The following KCNMA1 variants were observed in gnomAD, a reference collection of about 807,000 sequenced individuals.
The protein encoded by KCNMA1 is Calcium-activated potassium channel subunit alpha-1.
Under a neutral mutation model 140.0 loss-of-function variants are expected in KCNMA1, and 29 were observed. That is an observed-to-expected ratio of 0.21 (90% CI 0.15 to 0.28). The LOEUF (loss-of-function observed/expected upper bound fraction) is 0.28. Ranked by LOEUF, KCNMA1 falls within the 10% of genes least tolerant of loss-of-function variation. KCNMA1 has a pLI of 1.00. For synonymous variants in KCNMA1, 612 were observed against 611.9 expected (o/e 1.00, Z 0.00); for missense variants, 880 against 1,602.2 (o/e 0.55, Z 7.70).
chr10:77,317,908 A>C (rs1041470131), intron 2 of KCNMA1, among the ~76,000 whole-genome samples: 4 of 152,206 alleles, frequency 2.6e-5, no homozygotes, highest in Non-Finnish European at 4.4e-5. Context: ...AAGGCATCCC[A>C]AAAACTAGAA....
At chr10:77,146,723 A>AAAAAAAAAAAAAAAAAAAG (rs2098304815) in intron 5 of KCNMA1, among the ~76,000 whole-genome samples, 1 of 137,608 alleles carries the variant, frequency 7.3e-6, no homozygotes, top group Non-Finnish European at 1.6e-5. Context: ...AAAAAAAAAA[A>AAAAAAAAAAAAAAAAAAAG]AAAAAAAGAA....
chr10:77,167,492 C>T (rs2098656060), intron 5 of KCNMA1, among the ~76,000 whole-genome samples: 1 of 152,038 alleles, frequency 6.6e-6, no homozygotes, highest in African/African-American at 2.4e-5. Context: ...GTTTAAACTC[C>T]AAGCCTAGGA....
chr10:77,348,854 T>G (rs1241348346), intron 2 of KCNMA1, among the ~76,000 whole-genome samples: 1 of 152,154 alleles, frequency 6.6e-6, no homozygotes, highest in Non-Finnish European at 1.5e-5. Flanking sequence ...CTTTAGGGCA[T>G]ATCTTTGCAA....
chr10:77,370,435 C>T (rs947722680), intron 2 of KCNMA1, among the ~76,000 whole-genome samples: 2 of 152,114 alleles, frequency 1.3e-5, no homozygotes, highest in African/African-American at 4.8e-5. Context: ...GATAAGAACA[C>T]ATCTTTTCTT....
intron 1 of KCNMA1, among the ~76,000 whole-genome samples, chr10:77,437,891 T>G (rs182333720): frequency 9.2e-5 from 14 of 152,244 alleles, no homozygotes; most frequent in African/African-American, 3.1e-4. Context: ...TTTAAAGAGT[T>G]AGGCTGGGAT....
intron 1 of KCNMA1, among the ~76,000 whole-genome samples, chr10:77,423,199 G>A (rs1038977950): frequency 3.9e-5 from 6 of 152,208 alleles, no homozygotes; most frequent in Non-Finnish European, 7.3e-5. Context: ...CAAAAAGCAT[G>A]TGATTATTTT....
At chr10:77,341,889 C>G (rs2091015831) in intron 2 of KCNMA1, among the ~76,000 whole-genome samples, 1 of 152,230 alleles carries the variant, frequency 6.6e-6, no homozygotes, top group African/African-American at 2.4e-5. Flanking sequence ...ACTCTTCTCT[C>G]AGATGCTTAC....
At chr10:76,993,469 T>A (rs2083337458) in intron 19 of KCNMA1, among the ~76,000 whole-genome samples, 1 of 152,208 alleles carries the variant, frequency 6.6e-6, no homozygotes, top group South Asian at 2.1e-4. Flanking sequence ...GAGCCACTAA[T>A]TAAACTGTCT....
intron 1 of KCNMA1, among the ~76,000 whole-genome samples, chr10:77,431,103 A>G (rs1383408602): frequency 6.6e-6 from 1 of 152,192 alleles, no homozygotes. Flanking sequence ...CAGAAAGATA[A>G]AAGATCAATT....
intron 23 of KCNMA1, among the ~76,000 whole-genome samples, chr10:76,934,802 CA>C (rs2060132095): frequency 6.6e-6 from 1 of 152,194 alleles, no homozygotes; most frequent in Non-Finnish European, 1.5e-5. Flanking sequence ...CACTATAAGA[CA>C]ATTTCTCTGG....
intron 6 of KCNMA1, among the ~76,000 whole-genome samples, chr10:77,113,782 A>G (rs2153897104): frequency 6.6e-6 from 1 of 152,306 alleles, no homozygotes; most frequent in South Asian, 2.1e-4. Flanking sequence ...TTTTTAAATA[A>G]ATGTTATTGT....
rs143239827 is a variant in KCNMA1, at chr10:77,397,397, T to C, written c.540+6465A>G. Among the ~76,000 whole-genome samples the C allele has an allele frequency of 2.6e-3, 392 of 152,352 alleles. 3 individuals carry two copies. Among genetic ancestry groups the C allele is most frequent in the African/African-American group, 9.0e-3 (373 of 41,580 alleles). ...ATAATAGTGTACATATTTTGGGGGA[T>C]GCATGTGATATTTTGGTACATGTAT... On this transcript the variant is annotated intron_variant, in intron 2 of 27. Transcript: ENST00000286628.
chr10:77,625,621 C>T (rs2092390602), intron 1 of KCNMA1, among the ~76,000 whole-genome samples: 1 of 152,162 alleles, frequency 6.6e-6, no homozygotes, highest in South Asian at 2.1e-4. Flanking sequence ...TTGTGACTGG[C>T]TTATTTCATT....
At chr10:77,171,430 TGTGTGTGTGTG>T (rs2098707565) in intron 5 of KCNMA1, among the ~76,000 whole-genome samples, 1 of 149,052 alleles carries the variant, frequency 6.7e-6, no homozygotes, top group African/African-American at 2.4e-5. Context: ...TGTGTGTGTG[TGTGTGTGTGTG>T]TTGAAGTTTC....
chr10:77,025,508 C>T (rs1435057704), intron 16 of KCNMA1: 34 of 1,411,952 alleles, frequency 2.4e-5, no homozygotes, highest in South Asian at 1.3e-4. Context: ...GATAATAAAT[C>T]GACTGACACC....
intron 2 of KCNMA1, among the ~76,000 whole-genome samples, chr10:77,312,802 C>G (rs2079682905): frequency 6.6e-6 from 1 of 152,228 alleles, no homozygotes; most frequent in Admixed American, 6.5e-5. Context: ...TCCACATGAG[C>G]CTGGTGGGGG....
chr10:77,296,107 G>C (rs906596829), intron 2 of KCNMA1, among the ~76,000 whole-genome samples: 3 of 152,098 alleles, frequency 2.0e-5, no homozygotes, highest in Non-Finnish European at 2.9e-5. Context: ...ATGGCAAAAG[G>C]GGTTTGCTGG....
chr10:77,435,760 A>C (rs2097250631), intron 1 of KCNMA1, among the ~76,000 whole-genome samples: 1 of 152,220 alleles, frequency 6.6e-6, no homozygotes, highest in Non-Finnish European at 1.5e-5. Context: ...TGTTGACTGA[A>C]TTAGATTTCC....
At chr10:77,460,569 A>C (rs2097848019) in intron 1 of KCNMA1, among the ~76,000 whole-genome samples, 1 of 152,024 alleles carries the variant, frequency 6.6e-6, no homozygotes, top group South Asian at 2.1e-4. Context: ...ACACCATGGA[A>C]TATTACTCAG....
Sources: gnomAD v4.1 joint callset for allele counts (sites outside exome capture counted in the v4.1 genomes callset) on GRCh38, gnomAD v4.1.1 for gene constraint, MANE v1.5 for transcripts, NCBI Gene and HGNC (gene_info 2026-07-23, HGNC 2026-07-21) for gene names.